Variants in INPP5A observed in about 807,000 individuals in gnomAD.
INPP5A encodes the protein inositol polyphosphate-5-phosphatase A, also known as 43 kDa inositol polyphosphate 5-phophatase.
In INPP5A, 14 loss-of-function variants were observed where a neutral mutation model predicts 65.2. That is an observed-to-expected ratio of 0.21 (90% confidence interval 0.14 to 0.34). INPP5A has a LOEUF of 0.34. Ranked by LOEUF, INPP5A falls within the 10% of genes least tolerant of loss-of-function variation. The pLI, the probability that INPP5A is intolerant of heterozygous loss-of-function variation, is 1.00. For missense variants in INPP5A, 431 were observed against 545.6 expected (o/e 0.79, Z 2.09); for synonymous variants, 207 against 208.3 (o/e 0.99, Z 0.05).
chr10:132,602,642 A>G (rs1306650088), intron 1 of INPP5A, among the ~76,000 whole-genome samples: 4 of 152,308 alleles, frequency 2.6e-5, no homozygotes, highest in Admixed American at 6.5e-5. Flanking sequence ...TTGTATACAT[A>G]AGAGCATATA....
At chr10:132,618,644 A>G (rs941449128) in intron 2 of INPP5A, among the ~76,000 whole-genome samples, 25 of 152,216 alleles carry the variant, frequency 1.6e-4, no homozygotes, top group Non-Finnish European at 7.3e-5. Flanking sequence ...TTATGAGGGA[A>G]AGAGGTTTAA....
chr10:132,780,899 C>T lies in INPP5A; in HGVS notation c.1140C>T (p.Val380=). The change falls in exon 14 of 16, where the codon GTC becomes GTT. Residue 380 remains valine (V), a synonymous_variant. Transcript: ENST00000368594. ...VVTYDHIGPN[V]CMGDHKPVFL... ...CCTATGACCACATTGGGCCCAACGT[C>T]TGCATGGGAGACCACAAGGTGACAT... The T allele has an allele frequency of 1.2e-6, 2 of 1,602,900 alleles. No homozygotes were observed. The highest frequency in any genetic ancestry group is 1.7e-6 in the Non-Finnish European group (2 of 1,173,822).
chr10:132,775,317 C>T (rs550367225), intron 12 of INPP5A, among the ~76,000 whole-genome samples: 2 of 152,080 alleles, frequency 1.3e-5, no homozygotes, highest in South Asian at 4.1e-4. Flanking sequence ...AGGTGCGCCC[C>T]TGTCCTGTGT....
At chr10:132,645,009 G>A (rs957078895) in intron 2 of INPP5A, among the ~76,000 whole-genome samples, 1 of 152,190 alleles carries the variant, frequency 6.6e-6, no homozygotes, top group Non-Finnish European at 1.5e-5. Context: ...TCCGCTCTCT[G>A]AATTCTCTGC....
At chr10:132,718,935 C>G (rs1019800461) in intron 8 of INPP5A, among the ~76,000 whole-genome samples, 3 of 148,710 alleles carry the variant, frequency 2.0e-5, no homozygotes, top group Non-Finnish European at 4.5e-5. Context: ...TCTGTGGTAC[C>G]TGGGTTCTGT....
Position 132,650,498 on chromosome 10 carries a change from A to G in INPP5A, c.299A>G (p.His100Arg). Reference protein sequence around the residue: ...YLDENYKSQEHFTALGSFYFL... With the variant: ...YLDENYKSQERFTALGSFYFL... ...GATGAAAACTACAAATCCCAGGAGC[A>G]CTTCACGGTGAGTCCCTCCCGCTGC... The change falls in exon 4 of 16, where the codon CAC becomes CGC. Residue 100 changes from histidine to arginine, a missense_variant. By Grantham distance (29) the His-to-Arg change is conservative. Transcript: ENST00000368594. This position sits in a 1 kb window ranked among gnomAD's most constrained non-coding sequence, Gnocchi z 5.5. The G allele has an allele frequency of 6.2e-7, 1 of 1,612,060 alleles. No homozygotes were observed. Among genetic ancestry groups the G allele is most frequent in the Non-Finnish European group, 8.5e-7 (1 of 1,178,514 alleles).
chr10:132,677,784 G>C (rs952748435), intron 4 of INPP5A, among the ~76,000 whole-genome samples: 12 of 152,204 alleles, frequency 7.9e-5, no homozygotes, highest in African/African-American at 2.7e-4. Context: ...ATGAAGGCCC[G>C]GTCCTTCCTG....
At chr10:132,672,532 T>G (rs2072904135) in intron 4 of INPP5A, among the ~76,000 whole-genome samples, 3 of 152,186 alleles carry the variant, frequency 2.0e-5, no homozygotes, top group Non-Finnish European at 4.4e-5. Flanking sequence ...TTTGCCTGCT[T>G]CCATCCATAT....
intron 8 of INPP5A, among the ~76,000 whole-genome samples, chr10:132,713,088 ATATGTGTGCAGGTACATGTGGG>A (rs1248557809): frequency 1.4e-5 from 2 of 147,402 alleles, no homozygotes; most frequent in African/African-American, 5.1e-5. Context: ...CGTGGGTTGG[ATATGTGTGCAGGTACATGTGGG>A]TATGTGTGCA....
In INPP5A at chr10:132,555,817, CA is replaced by C. The variant is rs1395921607; in HGVS notation, c.75+17647del. On this transcript the variant is annotated intron_variant, in intron 1 of 15. Coordinates refer to ENST00000368594, the MANE Select transcript of INPP5A (RefSeq NM_005539.5). This position sits in a 1 kb window ranked among gnomAD's most constrained non-coding sequence, Gnocchi z 4.4. ...GCACGTGTGGTCTGCACAGACAGAC[CA>C]GGGGGTGACTTCAGCGTTTTATGGC... 1.3e-5 allele frequency among the ~76,000 whole-genome samples: 2 copies of C among 152,182 alleles called. No individual in the cohort carries two copies. Among genetic ancestry groups the C allele is most frequent in the African/African-American group, 4.8e-5 (2 of 41,440 alleles).
At chr10:132,771,817 C>T (rs1315300286) in intron 12 of INPP5A, among the ~76,000 whole-genome samples, 1 of 121,792 alleles carries the variant, frequency 8.2e-6, no homozygotes, top group Non-Finnish European at 1.7e-5. Flanking sequence ...AGGCAGCCGC[C>T]CCGTGAAGAG....
In INPP5A at chr10:132,550,616, G is replaced by A. The variant is rs539009358; in HGVS notation, c.75+12445G>A. Among the ~76,000 whole-genome samples, 13 of 152,342 alleles carry A rather than the reference G, an allele frequency of 8.5e-5. No individual in the cohort carries two copies. The highest frequency in any genetic ancestry group is 4.1e-4 in the South Asian group (2 of 4,830). On this transcript the variant is annotated intron_variant, in intron 1 of 15. Transcript: ENST00000368594. The surrounding 1 kb of genome is among the most constrained non-coding windows in gnomAD (Gnocchi z 4.2). Reference sequence around the variant, plus strand: ...CCTTCTGAATGCAAGTGGCCAAGCCGGCATTCTGGCTGGGCTCGCTGGCCA... The same window carrying A: ...CCTTCTGAATGCAAGTGGCCAAGCCAGCATTCTGGCTGGGCTCGCTGGCCA...
chr10:132,631,646 G>A (rs952110357), intron 2 of INPP5A, among the ~76,000 whole-genome samples: 4 of 152,244 alleles, frequency 2.6e-5, no homozygotes, highest in African/African-American at 9.6e-5. Flanking sequence ...GCCGATGGAC[G>A]TGGCCTGGGC....
intron 7 of INPP5A, chr10:132,708,611 C>T (rs1845580381): frequency 1.6e-6 from 1 of 609,368 alleles, no homozygotes; most frequent in South Asian, 1.6e-5. Context: ...AGTGACGGCC[C>T]CAGTCCCTCC....
intron 10 of INPP5A, 36 bp from the exon 11 acceptor site, chr10:132,749,735 G>GA (rs1846439099): frequency 8.1e-6 from 13 of 1,605,210 alleles, no homozygotes; most frequent in Non-Finnish European, 1.0e-5. Context: ...AAGGCTGGGG[G>GA]AGCTCAGGTG....
Position 132,753,309 on chromosome 10 carries a change from C to T in INPP5A, c.903+3464C>T, listed in dbSNP as rs1032745326. Among the ~76,000 whole-genome samples, 1 of 152,156 alleles carries T rather than the reference C, an allele frequency of 6.6e-6. No individual in the cohort carries two copies. The highest frequency in any genetic ancestry group is 1.5e-5 in the Non-Finnish European group (1 of 68,030). Reference sequence around the variant, plus strand: ...CACGGTCCGGTTAAACACACAGCACCGCAGCCATGGAGAGCAAACTCTCCG... The same window carrying T: ...CACGGTCCGGTTAAACACACAGCACTGCAGCCATGGAGAGCAAACTCTCCG... On this transcript the variant is annotated intron_variant, in intron 11 of 15. Transcript: ENST00000368594. This position sits in a 1 kb window ranked among gnomAD's most constrained non-coding sequence, Gnocchi z 5.3.
intron 11 of INPP5A, among the ~76,000 whole-genome samples, chr10:132,751,442 C>G (rs890043810): frequency 6.6e-6 from 1 of 152,264 alleles, no homozygotes; most frequent in African/African-American, 2.4e-5. Context: ...TCTCAAGCCT[C>G]CAGGGCCTGG....
intron 2 of INPP5A, among the ~76,000 whole-genome samples, chr10:132,620,994 A>G (rs1590873451): frequency 1.3e-5 from 2 of 152,382 alleles, no homozygotes; most frequent in African/African-American, 4.8e-5. Flanking sequence ...AGAATTTACC[A>G]TGTCAACTGA....
chr10:132,710,292 A>G, intron 7 of INPP5A, 45 bp from the exon 8 acceptor site: 4 of 1,602,074 alleles, frequency 2.5e-6, no homozygotes, highest in South Asian at 1.1e-5. Flanking sequence ...TGTGACCCGG[A>G]GGCTCCGGCC....
Sources: gnomAD v4.1 joint callset for allele counts (sites outside exome capture counted in the v4.1 genomes callset) on GRCh38, gnomAD v4.1.1 for gene constraint, Gnocchi (gnomAD v3.1) non-coding constraint, MANE v1.5 for transcripts, NCBI Gene and HGNC (gene_info 2026-07-23, HGNC 2026-07-21) for gene names.